Variants in GRID2 observed in about 807,000 individuals in gnomAD.
GRID2 encodes glutamate ionotropic receptor delta type subunit 2.
Under a neutral mutation model 114.8 loss-of-function variants are expected in GRID2, and 33 were observed. The ratio of observed to expected loss-of-function variants is 0.29; its 90% CI spans 0.22 to 0.38. The LOEUF (loss-of-function observed/expected upper bound fraction) is 0.38, where lower values mean the gene tolerates loss of function less well. GRID2 is among the 10% of genes least tolerant of loss of function. The probability of loss-of-function intolerance (pLI) is 1.00; values close to 1 mark genes in which losing one functional copy is unlikely to be tolerated. For synonymous variants in GRID2, 505 were observed against 449.9 expected, an observed-to-expected ratio of 1.12 and a Z score of -1.55; for missense variants, 1,184 against 1,257.7, an observed-to-expected ratio of 0.94 and a Z score of 0.89.
chr4:93,249,229 A>T (rs907535996), intron 8 of GRID2, among the ~76,000 whole-genome samples: 1 of 152,084 alleles, frequency 6.6e-6, no homozygotes, highest in African/African-American at 2.4e-5. Flanking sequence ...CAATTGGTCT[A>T]TATGTCTGTT....
intron 1 of GRID2, among the ~76,000 whole-genome samples, chr4:92,554,088 T>C (rs773680285): frequency 7.2e-5 from 11 of 152,124 alleles, no homozygotes; most frequent in Non-Finnish European, 1.3e-4. Flanking sequence ...TATGTATATA[T>C]TGAGAGACTA....
intron 13 of GRID2, among the ~76,000 whole-genome samples, chr4:93,531,771 A>C (rs1731469438): frequency 6.6e-6 from 1 of 152,074 alleles, no homozygotes; most frequent in African/African-American, 2.4e-5. Context: ...TACAGATTGC[A>C]TATTTTATTT....
intron 10 of GRID2, among the ~76,000 whole-genome samples, chr4:93,449,455 T>G (rs189075590): frequency 6.6e-6 from 1 of 152,268 alleles, no homozygotes; most frequent in East Asian, 1.9e-4. Context: ...AGTTTGATTT[T>G]ATTCTCAGAT....
chr4:92,482,369 T>A (rs1168180824), intron 1 of GRID2, among the ~76,000 whole-genome samples: 1 of 152,030 alleles, frequency 6.6e-6, no homozygotes. Context: ...AAACTACTTA[T>A]TGGGTACTAT....
intron 1 of GRID2, among the ~76,000 whole-genome samples, chr4:92,366,619 A>G (rs569330758): frequency 6.6e-6 from 1 of 152,006 alleles, no homozygotes; most frequent in African/African-American, 2.4e-5. Context: ...GAATTACATC[A>G]AAATTTACTT....
At chr4:92,775,423 A>G (rs1376492692) in intron 2 of GRID2, among the ~76,000 whole-genome samples, 2 of 152,190 alleles carry the variant, frequency 1.3e-5, no homozygotes, top group African/African-American at 4.8e-5. Flanking sequence ...CAGATCAGTC[A>G]TCTCTAAATA....
intron 2 of GRID2, among the ~76,000 whole-genome samples, chr4:92,826,717 A>C: frequency 6.6e-6 from 1 of 152,152 alleles, no homozygotes; most frequent in Middle Eastern, 3.2e-3. Context: ...TAACCAACAT[A>C]TTTAAATTAA....
rs565023950 is a variant in GRID2, at chr4:92,354,903, G to A, written c.88+50159G>A. 4.6e-5 allele frequency among the ~76,000 whole-genome samples: 7 copies of A among 151,906 alleles called. No individual in the cohort carries two copies. The South Asian group carries it at 1.5e-3, about 32-fold the overall frequency. ...ACTTACCACCTCCCACCTTTATTAC[G>A]CTATCATTTAGAAAATTGCTTATGA... On this transcript the variant is annotated intron_variant, in intron 1 of 15. Transcript: ENST00000282020.
chr4:92,877,854 A>G (rs1017958453), intron 2 of GRID2, among the ~76,000 whole-genome samples: 1 of 152,090 alleles, frequency 6.6e-6, no homozygotes, highest in Non-Finnish European at 1.5e-5. Context: ...GGCTTTTTAT[A>G]TTTTACTCTC....
At chr4:92,682,754 T>A (rs1191907452) in intron 2 of GRID2, among the ~76,000 whole-genome samples, 2 of 151,580 alleles carry the variant, frequency 1.3e-5, no homozygotes, top group Admixed American at 6.6e-5. Context: ...TAATAGCCGA[T>A]ATGTTGCATA....
intron 8 of GRID2, among the ~76,000 whole-genome samples, chr4:93,253,324 G>A (rs907518030): frequency 1.3e-5 from 2 of 151,998 alleles, no homozygotes; most frequent in African/African-American, 4.8e-5. Context: ...TATGAAATGT[G>A]TCTTCAAATT....
In GRID2 at chr4:93,471,698, A is replaced by ATT. The variant is rs897411033; in HGVS notation, c.1858+15740_1858+15741dup. Among the ~76,000 whole-genome samples the ATT allele has an allele frequency of 1.0e-3, 64 of 60,998 alleles. 15 individuals are homozygous for ATT. The highest frequency in any genetic ancestry group is 3.2e-3 in the African/African-American group (36 of 11,090). 40.0% of individuals were successfully genotyped at this position (60,998 alleles called of 152,430 possible). A position where few individuals can be genotyped will look rare whatever the true frequency, so the allele number is the denominator to read the frequency against. ...ATTGTTATTTCTTCTCCTGAATTCAATTTTTTTTTTTTTTTTTGGAGACGG... is the reference window on the plus strand; with the variant it reads ...ATTGTTATTTCTTCTCCTGAATTCAATTTTTTTTTTTTTTTTTTTGGAGACGG... On this transcript the variant is annotated intron_variant, in intron 11 of 15. Transcript: ENST00000282020.
intron 2 of GRID2, among the ~76,000 whole-genome samples, chr4:92,724,634 G>A (rs1277052525): frequency 1.3e-5 from 2 of 152,012 alleles, no homozygotes; most frequent in East Asian, 3.9e-4. Flanking sequence ...GCACAAATGT[G>A]GTGTCTACTT....
chr4:93,066,801 G>C (rs1480299116), intron 2 of GRID2, among the ~76,000 whole-genome samples: 1 of 151,772 alleles, frequency 6.6e-6, no homozygotes, highest in Non-Finnish European at 1.5e-5. Flanking sequence ...TGCCAGCATT[G>C]CTCTTGCACT....
chr4:92,783,288 G>A (rs17019896), intron 2 of GRID2, among the ~76,000 whole-genome samples: 5,207 of 151,940 alleles, frequency 0.034, 145 homozygotes, highest in East Asian at 0.12. Flanking sequence ...GTTTTCACCC[G>A]CAAAAATGGC....
chr4:92,741,196 C>G (rs1251678489), intron 2 of GRID2, among the ~76,000 whole-genome samples: 1 of 152,106 alleles, frequency 6.6e-6, no homozygotes, highest in Non-Finnish European at 1.5e-5. Flanking sequence ...GCCTCAGTTC[C>G]TTTCACTGTA....
chr4:92,700,056 G>A (rs1218312994), intron 2 of GRID2, among the ~76,000 whole-genome samples: 1 of 152,094 alleles, frequency 6.6e-6, no homozygotes, highest in Non-Finnish European at 1.5e-5. Flanking sequence ...CAGGACCTGA[G>A]GTTTTTGGTG....
At chr4:93,243,623 A>T (rs1214382687) in intron 8 of GRID2, among the ~76,000 whole-genome samples, 1 of 152,078 alleles carries the variant, frequency 6.6e-6, no homozygotes, top group South Asian at 2.1e-4. Context: ...TGTACCAAGG[A>T]TTCATAATCC....
At chr4:92,535,124 A>G (rs1725549181) in intron 1 of GRID2, among the ~76,000 whole-genome samples, 1 of 152,158 alleles carries the variant, frequency 6.6e-6, no homozygotes, top group African/African-American at 2.4e-5. Flanking sequence ...ATAATACCCT[A>G]TAGACCTAAG....
Sources: allele counts gnomAD v4.1 joint callset (sites outside exome capture counted in the v4.1 genomes callset), GRCh38; gene constraint gnomAD v4.1.1; transcripts MANE v1.5; gene names NCBI Gene and HGNC (gene_info 2026-07-23, HGNC 2026-07-21).